GRM1: variants seen among roughly 807,000 people sequenced by gnomAD.
GRM1 encodes the protein metabotropic glutamate receptor 1.
In GRM1, 33 loss-of-function variants were observed where a neutral mutation model predicts 90.9. The ratio of observed to expected loss-of-function variants is 0.36; its 90% CI spans 0.28 to 0.49. The LOEUF is 0.49. Among genes scored for constraint, GRM1 ranks in the 20% least tolerant of loss-of-function variants. The probability of loss-of-function intolerance (pLI) is 0.99; values close to 1 mark genes in which losing one functional copy is unlikely to be tolerated. For missense variants in GRM1, 1,190 were observed against 1,534.3 expected, an observed-to-expected ratio of 0.78 and a Z score of 3.75; for synonymous variants, 700 against 613.2, an observed-to-expected ratio of 1.14 and a Z score of -2.09.
chr6:146,235,781 T>C lies in GRM1; in HGVS notation c.951-68830T>C, dbSNP rs150698289. ...GTGTTAGCATTTTCACTTGATTTCT[T>C]CCTTATAGTTTCATCTCTTTGATGA... On this transcript the variant is annotated intron_variant, in intron 2 of 7. Coordinates refer to ENST00000282753, the MANE Select transcript of GRM1 (RefSeq NM_001278064.2). Among the ~76,000 whole-genome samples the C allele has an allele frequency of 2.9e-3, 444 of 151,186 alleles. 4 individuals are homozygous for C. Among genetic ancestry groups the C allele is most frequent in the African/African-American group, 0.01 (425 of 41,132 alleles).
intron 2 of GRM1, among the ~76,000 whole-genome samples, chr6:146,183,005 A>T (rs1427485634): frequency 6.6e-6 from 1 of 152,162 alleles, no homozygotes; most frequent in Non-Finnish European, 1.5e-5. Context: ...AAACTAAAGT[A>T]ACAATCTGGA....
intron 1 of GRM1, among the ~76,000 whole-genome samples, chr6:146,119,947 C>A (rs532142531): frequency 1.3e-5 from 2 of 152,274 alleles, no homozygotes; most frequent in South Asian, 4.1e-4. Flanking sequence ...TCCATATTAA[C>A]TTTAAAGTAG....
At chr6:146,210,401 T>C (rs896081150) in intron 2 of GRM1, among the ~76,000 whole-genome samples, 1 of 152,210 alleles carries the variant, frequency 6.6e-6, no homozygotes, top group African/African-American at 2.4e-5. Context: ...CACTGCAAGA[T>C]GCCGTAAGGT....
intron 2 of GRM1, among the ~76,000 whole-genome samples, chr6:146,223,058 A>C (rs1219880514): frequency 6.6e-6 from 1 of 152,074 alleles, no homozygotes; most frequent in African/African-American, 2.4e-5. Context: ...TCTCTCTATT[A>C]TCTGGCCAGA....
At chr6:146,282,322 G>A (rs1225239455) in intron 2 of GRM1, among the ~76,000 whole-genome samples, 1 of 151,962 alleles carries the variant, frequency 6.6e-6, no homozygotes, top group Non-Finnish European at 1.5e-5. Flanking sequence ...TTACTTTGTA[G>A]CCCCACTTAC....
intron 2 of GRM1, among the ~76,000 whole-genome samples, chr6:146,219,484 G>T (rs183540305): frequency 5.3e-5 from 8 of 152,102 alleles, no homozygotes; most frequent in Admixed American, 5.2e-4. Context: ...GGTTTTGAAA[G>T]TGTAGGACAT....
intron 1 of GRM1, among the ~76,000 whole-genome samples, chr6:146,146,335 C>T (rs188149401): frequency 1.5e-4 from 23 of 151,890 alleles, no homozygotes; most frequent in Non-Finnish European, 1.8e-4. Flanking sequence ...GATCCACCCA[C>T]CTCTGCCTCC....
intron 1 of GRM1, among the ~76,000 whole-genome samples, chr6:146,103,571 T>C (rs570286035): frequency 1.3e-5 from 2 of 152,344 alleles, no homozygotes; most frequent in African/African-American, 4.8e-5. Context: ...ATAAACATCC[T>C]GTATGCTAAT....
At chr6:146,391,451 C>T (rs973116118) in intron 6 of GRM1, among the ~76,000 whole-genome samples, 4 of 152,086 alleles carry the variant, frequency 2.6e-5, no homozygotes, top group African/African-American at 9.7e-5. Context: ...CAAAGTCCCC[C>T]TTTTGAGTTC....
intron 2 of GRM1, among the ~76,000 whole-genome samples, chr6:146,281,046 C>T (rs1782548173): frequency 6.6e-6 from 1 of 152,100 alleles, no homozygotes; most frequent in Non-Finnish European, 1.5e-5. Flanking sequence ...AACTTACTGT[C>T]TAGTTAAGAA....
At chr6:146,375,177 A>G (rs554609265) in intron 5 of GRM1, among the ~76,000 whole-genome samples, 1 of 152,144 alleles carries the variant, frequency 6.6e-6, no homozygotes, top group South Asian at 2.1e-4. Flanking sequence ...TAGTTTGTGT[A>G]GTGTCCAGAA....
intron 2 of GRM1, among the ~76,000 whole-genome samples, chr6:146,247,365 G>A (rs1001443074): frequency 5.9e-5 from 9 of 152,086 alleles, no homozygotes; most frequent in Non-Finnish European, 8.8e-5. Context: ...TACAAGGAGC[G>A]GGGAGGCAGC....
intron 6 of GRM1, among the ~76,000 whole-genome samples, chr6:146,397,429 G>C (rs1776991449): frequency 7.3e-6 from 1 of 136,946 alleles, no homozygotes; most frequent in Non-Finnish European, 1.5e-5. Context: ...AGCTGAGATT[G>C]CGCCACTGCA....
Position 146,434,402 on chromosome 6 carries a change from C to CCCTGTA in GRM1, c.3194_3199dup (p.Leu1065_Tyr1066dup), listed in dbSNP as rs774663606. On this transcript the variant is annotated inframe_insertion, in exon 8 of 8. Transcript: ENST00000282753. ...GGTGGTCCCGGGAACGGGCTGCGGT[C>CCCTGTA]CCTGTACCCGCCCCCGCCACCTCCG... 2.9e-5 allele frequency: 47 copies of CCCTGTA among 1,613,362 alleles called. No individual in the cohort carries two copies. The African/African-American group carries it at 5.3e-4, about 18-fold the overall frequency.
At chr6:146,329,641 A>G (rs556669639) in intron 3 of GRM1, among the ~76,000 whole-genome samples, 1 of 152,318 alleles carries the variant, frequency 6.6e-6, no homozygotes, top group South Asian at 2.1e-4. Context: ...TCCTTGACTT[A>G]TGATGGTATT....
chr6:146,405,422 T>C (rs1777310472), intron 7 of GRM1, among the ~76,000 whole-genome samples: 1 of 152,176 alleles, frequency 6.6e-6, no homozygotes. Flanking sequence ...AAGGATGCAA[T>C]ATTATGGAAA....
In GRM1 at chr6:146,048,004, C is replaced by A. The variant is rs1196116482; in HGVS notation, c.700+17787C>A. Among the ~76,000 whole-genome samples, 4 of 151,992 alleles carry A rather than the reference C, an allele frequency of 2.6e-5. No homozygotes were observed. The East Asian group carries it at 7.8e-4, about 30-fold the overall frequency. The stretch of plus-strand genomic sequence containing the variant: ...ATAGCATGCATGGGTTCCTGGAAAT[C>A]AGCCTTAGTGAACACATTCTGGATC... On this transcript the variant is annotated intron_variant, in intron 1 of 7. Coordinates refer to ENST00000282753, the MANE Select transcript of GRM1 (RefSeq NM_001278064.2).
intron 2 of GRM1, among the ~76,000 whole-genome samples, chr6:146,188,815 C>T (rs972859306): frequency 2.6e-5 from 4 of 152,184 alleles, no homozygotes; most frequent in Non-Finnish European, 5.9e-5. Context: ...ACCAGAAACT[C>T]TTTTAAATCT....
intron 1 of GRM1, among the ~76,000 whole-genome samples, chr6:146,056,109 A>G (rs1775471688): frequency 6.6e-6 from 1 of 152,164 alleles, no homozygotes; most frequent in East Asian, 1.9e-4. Flanking sequence ...TTGGTGGCAT[A>G]ATGGGAAAGT....
Sources: allele counts gnomAD v4.1 joint callset (sites outside exome capture counted in the v4.1 genomes callset), GRCh38; gene constraint gnomAD v4.1.1; transcripts MANE v1.5; gene names NCBI Gene and HGNC (gene_info 2026-07-23, HGNC 2026-07-21).